CDK18: variants seen among roughly 807,000 people sequenced by gnomAD.
CDK18 encodes cyclin dependent kinase 18, also known as cyclin-dependent kinase 18.
In CDK18, 52 loss-of-function variants were observed where a neutral mutation model predicts 62.0. The ratio of observed to expected loss-of-function variants is 0.84; its 90% CI spans 0.67 to 1.06. The LOEUF is 1.06. Ranked by LOEUF, CDK18 falls within the 50% of genes least tolerant of loss-of-function variation. The pLI, the probability that CDK18 is intolerant of heterozygous loss-of-function variation, is 0.00. For synonymous variants in CDK18, 237 were observed against 247.0 expected, an observed-to-expected ratio of 0.96 and a Z score of 0.38; for missense variants, 604 against 619.9, an observed-to-expected ratio of 0.97 and a Z score of 0.27.
intron 1 of CDK18, among the ~76,000 whole-genome samples, chr1:205,508,538 A>G (rs1667417690): frequency 6.6e-6 from 1 of 152,196 alleles, no homozygotes; most frequent in Non-Finnish European, 1.5e-5. Context: ...TGCTCCTAGA[A>G]TCTCCACAGC....
chr1:205,509,845 C>T (rs558636238), intron 1 of CDK18, among the ~76,000 whole-genome samples: 36 of 151,926 alleles, frequency 2.4e-4, no homozygotes, highest in Non-Finnish European at 2.2e-4. Flanking sequence ...TTTGGGAGGC[C>T]GAGGTAGGTG....
At position 205,516,318 on chromosome 1, in the gene CDK18, C is replaced by A. The variant is rs145353078; in HGVS notation, c.-21-6829C>A. 2.0e-5 allele frequency among the ~76,000 whole-genome samples: 3 copies of A among 152,002 alleles called. No homozygotes were observed. Among genetic ancestry groups the A allele is most frequent in the Non-Finnish European group, 4.4e-5 (3 of 67,966 alleles). ...CCCAAGGGCCAAAGTGGCTGAGTGA[C>A]CGAGGCAGGGGCAGGGACTGGGAGA... On this transcript the variant is annotated intron_variant, in intron 1 of 15. Coordinates refer to ENST00000429964, the MANE Select transcript of CDK18 (RefSeq NM_212502.3). The surrounding 1 kb of genome is among the most constrained non-coding windows in gnomAD (Gnocchi z 4.8).
In CDK18 at chr1:205,529,214, C is replaced by T. The variant is rs1269979224; in HGVS notation, c.1073-110C>T. 5.2e-6 allele frequency: 7 copies of T among 1,338,468 alleles called. No individual in the cohort carries two copies. The South Asian group carries it at 5.2e-5, about 10-fold the overall frequency. The allele number at this position is 1,338,468 out of a possible 1,614,324, so 82.9% of individuals were successfully genotyped here. Reference sequence around the variant, plus strand: ...GCCGCCTCTCTCCCGGGCGGGGACCCCCTGTGGCCTCGGCCATCTTTGCTC... The same window carrying T: ...GCCGCCTCTCTCCCGGGCGGGGACCTCCTGTGGCCTCGGCCATCTTTGCTC... On this transcript the variant is annotated intron_variant, in intron 11 of 15. Transcript: ENST00000429964.
intron 1 of CDK18, among the ~76,000 whole-genome samples, chr1:205,508,659 A>G (rs1038183340): frequency 1.3e-5 from 2 of 152,212 alleles, no homozygotes; most frequent in African/African-American, 4.8e-5. Context: ...AGACTGGGCA[A>G]CATGGCAAGA....
chr1:205,515,046 A>G (rs895655615), intron 1 of CDK18, among the ~76,000 whole-genome samples: 3 of 152,138 alleles, frequency 2.0e-5, no homozygotes, highest in Non-Finnish European at 4.4e-5. Flanking sequence ...TGCCAGGTAC[A>G]TTTGATAAAA....
At chr1:205,529,818 T>G (rs1193088388) in intron 13 of CDK18, 13 of 1,396,212 alleles carry the variant, frequency 9.3e-6, no homozygotes, top group Non-Finnish European at 1.3e-5. Context: ...ATGCCTCAGT[T>G]TCCTCAGCTG....
rs1668508246 is a variant in CDK18 at position 205,527,667 on chromosome 1, G to T, written c.730-127G>T. Reference sequence around the variant, plus strand: ...GTGGGGTCCAGGATGGGGGCTGCAGGGTGTGCAGGAGAATGAGGGGCTTGT... The same window carrying T: ...GTGGGGTCCAGGATGGGGGCTGCAGTGTGTGCAGGAGAATGAGGGGCTTGT... On this transcript the variant is annotated intron_variant, in intron 8 of 15. Transcript: ENST00000429964. This position sits in a 1 kb window ranked among gnomAD's most constrained non-coding sequence, Gnocchi z 4.1. 1 of 859,812 alleles carries T rather than the reference G, an allele frequency of 1.2e-6. No homozygotes were observed. The highest frequency in any genetic ancestry group is 1.9e-6 in the Non-Finnish European group (1 of 532,834). 53.3% of individuals were successfully genotyped at this position (859,812 alleles called of 1,614,324 possible).
chr1:205,523,500 C>T lies in CDK18; in HGVS notation c.148C>T (p.Leu50Phe), dbSNP rs1668251446. 6.2e-7 allele frequency: 1 copy of T among 1,604,358 alleles called. No homozygotes were observed. The highest frequency in any genetic ancestry group is 8.5e-7 in the Non-Finnish European group (1 of 1,176,016). Residue 50 changes from leucine to phenylalanine, a missense_variant, in exon 3 of 16, where the codon CTT becomes TTT. Coordinates refer to ENST00000429964, the MANE Select transcript of CDK18 (RefSeq NM_212502.3). ...RRNENLQLGP[L>F]GRDPPQECST... ...CCTCTTAGACTTGCAGCTCGGTCCT[C>T]TTGGCAGAGACCCCCCGCAGGAGTG...
intron 1 of CDK18, among the ~76,000 whole-genome samples, chr1:205,510,713 C>T (rs1038061123): frequency 1.3e-5 from 2 of 152,276 alleles, no homozygotes; most frequent in Non-Finnish European, 2.9e-5. Context: ...TCTGCCCTGT[C>T]ACCCTCAGTG....
chr1:205,531,220 C>T, intron 15 of CDK18, 124 bp from the exon 16 acceptor site: 1 of 821,864 alleles, frequency 1.2e-6, no homozygotes, highest in Middle Eastern at 2.9e-4. Flanking sequence ...AGACCGGCTC[C>T]TGTTTGCATG....
chr1:205,521,279 T>C (rs765476416), intron 1 of CDK18, among the ~76,000 whole-genome samples: 2 of 152,176 alleles, frequency 1.3e-5, no homozygotes, highest in African/African-American at 2.4e-5. Flanking sequence ...TGGCGCAATC[T>C]CCACTCACTG....
intron 1 of CDK18, among the ~76,000 whole-genome samples, chr1:205,514,999 C>G (rs537974447): frequency 5.9e-5 from 9 of 152,146 alleles, no homozygotes; most frequent in African/African-American, 2.2e-4. Flanking sequence ...CAAATGATTG[C>G]AAAGCTGTGG....
chr1:205,506,497 A>AGT, intron 1 of CDK18, among the ~76,000 whole-genome samples: 1 of 152,198 alleles, frequency 6.6e-6, no homozygotes, highest in Non-Finnish European at 1.5e-5. Context: ...CAGAGTAGAC[A>AGT]AGCCTTAGTG....
At chr1:205,524,134 G>GCAACCATT (rs1668291907) in intron 3 of CDK18, 98 bp from the exon 4 acceptor site, 2 of 1,415,902 alleles carry the variant, frequency 1.4e-6, no homozygotes, top group Non-Finnish European at 2.0e-6. Flanking sequence ...TGGTTGTTCT[G>GCAACCATT]CAGGGAACGC....
intron 1 of CDK18, among the ~76,000 whole-genome samples, chr1:205,505,176 G>C (rs1266704912): frequency 6.6e-6 from 1 of 152,150 alleles, no homozygotes; most frequent in African/African-American, 2.4e-5. Context: ...TTTCCACCCA[G>C]TCCGGAACCA....
intron 1 of CDK18, chr1:205,522,862 C>T (rs1018922422): frequency 6.6e-6 from 2 of 302,500 alleles, no homozygotes; most frequent in Non-Finnish European, 6.2e-6. Context: ...CAATACTTTG[C>T]TGGACTAGGT....
chr1:205,528,157 C>T lies in CDK18; in HGVS notation c.963C>T (p.Pro321=), dbSNP rs1424392879. ...TGGGATCCACAGAGTACTCCACCCC[C>T]ATTGATATGTGGTGAGTGAGCACTG... is the stretch of plus-strand genomic sequence containing the variant. ...VLLGSTEYST[P]IDMWGVGCIH... is the part of the protein sequence containing the mutation. The change falls in exon 10 of 16, where the codon CCC becomes CCT. Residue 321 remains proline (P), a synonymous_variant. Coordinates refer to ENST00000429964, the MANE Select transcript of CDK18 (RefSeq NM_212502.3). The surrounding 1 kb of genome is among the most constrained non-coding windows in gnomAD (Gnocchi z 4.2). 1.9e-6 allele frequency: 3 copies of T among 1,613,600 alleles called. No homozygotes were observed. The African/African-American group carries it at 4.0e-5, about 22-fold the overall frequency.
At chr1:205,529,167 C>T (rs1417305153) in intron 11 of CDK18, 71 bp downstream of exon 11, 3 of 1,439,040 alleles carry the variant, frequency 2.1e-6, no homozygotes, top group East Asian at 2.5e-5. Context: ...AGGCGCGGAG[C>T]GGGACGGGGA....
chr1:205,515,755 A>G (rs1667787799), intron 1 of CDK18, among the ~76,000 whole-genome samples: 1 of 152,122 alleles, frequency 6.6e-6, no homozygotes, highest in African/African-American at 2.4e-5. Context: ...ACAATGGCGT[A>G]TTTGTCTGGA....
Sources: gnomAD v4.1 joint callset for allele counts (sites outside exome capture counted in the v4.1 genomes callset) on GRCh38, gnomAD v4.1.1 for gene constraint, Gnocchi (gnomAD v3.1) non-coding constraint, MANE v1.5 for transcripts, NCBI Gene and HGNC (gene_info 2026-07-23, HGNC 2026-07-21) for gene names.